The following TBC1D32 variants were observed in gnomAD, a reference collection of about 807,000 sequenced individuals.
TBC1D32 encodes protein broad-minded.
TBC1D32 carries 151 observed loss-of-function variants against 170.3 expected under a neutral mutation model. That is an observed-to-expected ratio of 0.89 (90% CI 0.78 to 1.01). TBC1D32 has a LOEUF of 1.01. Ranked by LOEUF, TBC1D32 falls within the 50% of genes least tolerant of loss-of-function variation. TBC1D32 has a pLI of 0.00. For missense variants in TBC1D32, 1,464 were observed against 1,457.1 expected (o/e 1.00, Z -0.08); for synonymous variants, 498 against 488.0 (o/e 1.02, Z -0.27).
At chr6:121,095,461 A>G (rs1205106728) in intron 30 of TBC1D32, among the ~76,000 whole-genome samples, 2 of 152,172 alleles carry the variant, frequency 1.3e-5, no homozygotes, top group African/African-American at 4.8e-5. Flanking sequence ...CAGAACTTCC[A>G]ACACTATGTT....
intron 30 of TBC1D32, among the ~76,000 whole-genome samples, chr6:121,091,562 TA>T (rs1206911710): frequency 2.0e-5 from 3 of 152,214 alleles, no homozygotes; most frequent in Non-Finnish European, 1.5e-5. Flanking sequence ...GAGAATATTT[TA>T]AAAATGAGAC....
At chr6:121,278,622 T>C (rs1018440133) in intron 15 of TBC1D32, among the ~76,000 whole-genome samples, 3 of 152,148 alleles carry the variant, frequency 2.0e-5, no homozygotes, top group Admixed American at 6.6e-5. Context: ...TCATGTTTCA[T>C]TCTGTATTCA....
Position 121,310,771 on chromosome 6 carries a change from A to C in TBC1D32, c.564+8T>G. The C allele has an allele frequency of 6.5e-7, 1 of 1,533,120 alleles. No individual in the cohort carries two copies. The highest frequency in any genetic ancestry group is 8.9e-7 in the Non-Finnish European group (1 of 1,126,914). 95.0% of individuals were successfully genotyped at this position (1,533,120 alleles called of 1,614,324 possible). ...TGCATGAACTTGACAGCTATCCTTG[A>C]AACTTACCTCTTTAGGTTGCCCAGG... is the stretch of plus-strand genomic sequence containing the variant. On this transcript the variant is annotated splice_region_variant and intron_variant, in intron 4 of 31. Coordinates refer to ENST00000398212, the MANE Select transcript of TBC1D32 (RefSeq NM_152730.6).
chr6:121,241,347 A>T, intron 19 of TBC1D32, 118 bp downstream of exon 19: 2 of 831,622 alleles, frequency 2.4e-6, no homozygotes, highest in Non-Finnish European at 3.7e-6. Flanking sequence ...GGTCTAACTT[A>T]GTAAAAAGAA....
At chr6:121,318,043 T>C (rs911991244) in intron 2 of TBC1D32, among the ~76,000 whole-genome samples, 7 of 151,986 alleles carry the variant, frequency 4.6e-5, no homozygotes, top group Non-Finnish European at 1.0e-4. Context: ...ATACATCACC[T>C]TCATCCTCTT....
At chr6:121,231,584 T>C (rs1228198074) in intron 20 of TBC1D32, among the ~76,000 whole-genome samples, 9 of 151,192 alleles carry the variant, frequency 6.0e-5, no homozygotes, top group Non-Finnish European at 1.3e-4. Flanking sequence ...CCAACATCTA[T>C]TTTTTTTTCA....
At chr6:121,096,142 C>A (rs2128181310) in intron 30 of TBC1D32, 1 of 152,194 alleles carries the variant, frequency 6.6e-6, no homozygotes, top group South Asian at 2.1e-4. Context: ...GATTCAATTT[C>A]TTCCTGGTTT....
intron 31 of TBC1D32, among the ~76,000 whole-genome samples, chr6:121,086,178 G>A (rs576699712): frequency 1.3e-5 from 2 of 151,976 alleles, no homozygotes; most frequent in African/African-American, 4.8e-5. Flanking sequence ...TCCAGATAAT[G>A]GTCTAAAAGT....
chr6:121,137,451 T>C (rs1464368540), intron 24 of TBC1D32, among the ~76,000 whole-genome samples: 1 of 142,278 alleles, frequency 7.0e-6, no homozygotes, highest in African/African-American at 2.6e-5. Flanking sequence ...CTATGATTTA[T>C]AGACAACTAT....
intron 17 of TBC1D32, among the ~76,000 whole-genome samples, chr6:121,243,412 G>A (rs549018667): frequency 6.6e-6 from 1 of 152,126 alleles, no homozygotes; most frequent in East Asian, 1.9e-4. Flanking sequence ...GCCAGAGGTG[G>A]CCATATGAAA....
At chr6:121,209,559 C>T (rs1792782983) in intron 21 of TBC1D32, among the ~76,000 whole-genome samples, 1 of 152,106 alleles carries the variant, frequency 6.6e-6, no homozygotes, top group African/African-American at 2.4e-5. Context: ...ATTCATCATA[C>T]AAGTGGTATT....
At chr6:121,304,235 TA>T in intron 8 of TBC1D32, 129 bp downstream of exon 8, 1 of 715,502 alleles carries the variant, frequency 1.4e-6, no homozygotes, top group Non-Finnish European at 2.2e-6. Context: ...AAAATAAAAA[TA>T]AAAATTTTAT....
chr6:121,175,188 G>C (rs1032637590), intron 22 of TBC1D32, among the ~76,000 whole-genome samples: 1 of 152,098 alleles, frequency 6.6e-6, no homozygotes, highest in Non-Finnish European at 1.5e-5. Context: ...GAAGGTTTAG[G>C]GAGACACTTT....
At chr6:121,240,813 T>G (rs1486443496) in intron 19 of TBC1D32, among the ~76,000 whole-genome samples, 1 of 144,386 alleles carries the variant, frequency 6.9e-6, no homozygotes, top group African/African-American at 2.6e-5. Context: ...AGGCGGAGGT[T>G]GCAGTGAGCT....
At chr6:121,268,465 G>C (rs1207292767) in intron 15 of TBC1D32, among the ~76,000 whole-genome samples, 1 of 152,142 alleles carries the variant, frequency 6.6e-6, no homozygotes, top group African/African-American at 2.4e-5. Flanking sequence ...CGTGACGCAT[G>C]CAAAAGCTTC....
At chr6:121,108,571 T>C (rs567905880) in intron 29 of TBC1D32, among the ~76,000 whole-genome samples, 1 of 152,064 alleles carries the variant, frequency 6.6e-6, no homozygotes, top group South Asian at 2.1e-4. Flanking sequence ...TCCTAGAAAG[T>C]GACATAACAT....
chr6:121,229,887 C>T lies in TBC1D32; in HGVS notation c.2365-6535G>A, dbSNP rs565017114. Among the ~76,000 whole-genome samples the T allele has an allele frequency of 2.0e-5, 3 of 152,058 alleles. No individual in the cohort carries two copies. The South Asian group carries it at 6.2e-4, about 32-fold the overall frequency. The stretch of plus-strand genomic sequence containing the variant: ...ATGGGTGCAGTTCCCCCATGCTGTT[C>T]CCATGATAGTGAGTTCTCCTGAGAT... On this transcript the variant is annotated intron_variant, in intron 20 of 31. Transcript: ENST00000398212.
intron 16 of TBC1D32, 115 bp downstream of exon 16, chr6:121,255,968 TA>T: frequency 1.1e-6 from 1 of 882,026 alleles, no homozygotes; most frequent in Non-Finnish European, 1.7e-6. Context: ...ACTGTGATGC[TA>T]AAGAAGTCAT....
intron 24 of TBC1D32, among the ~76,000 whole-genome samples, chr6:121,132,700 C>A (rs1168807672): frequency 2.0e-5 from 3 of 151,880 alleles, no homozygotes; most frequent in African/African-American, 7.2e-5. Flanking sequence ...ATGAATAGAG[C>A]TAAAGAAAGT....
Sources: gnomAD v4.1 joint callset for allele counts (sites outside exome capture counted in the v4.1 genomes callset) on GRCh38, gnomAD v4.1.1 for gene constraint, MANE v1.5 for transcripts, NCBI Gene and HGNC (gene_info 2026-07-23, HGNC 2026-07-21) for gene names.